The following PPP1R12A variants were observed in gnomAD, a reference collection of about 807,000 sequenced individuals.
PPP1R12A encodes myosin binding subunit.
PPP1R12A carries 19 observed loss-of-function variants against 139.6 expected under a neutral mutation model. The ratio of observed to expected loss-of-function variants is 0.14; its 90% confidence interval spans 0.09 to 0.20. PPP1R12A has a LOEUF of 0.20. Among genes scored for constraint, PPP1R12A ranks in the 10% least tolerant of loss-of-function variants. The probability of loss-of-function intolerance (pLI) is 1.00; values close to 1 mark genes in which losing one functional copy is unlikely to be tolerated. For synonymous variants in PPP1R12A, 427 were observed against 420.6 expected (o/e 1.02, Z -0.19); for missense variants, 925 against 1,211.5 (o/e 0.76, Z 3.51).
chr12:79,806,549 C>T (rs1873860461), intron 12 of PPP1R12A, among the ~76,000 whole-genome samples: 1 of 152,180 alleles, frequency 6.6e-6, no homozygotes, highest in East Asian at 1.9e-4. Context: ...TGCCTCCTCC[C>T]AACTTTCTCA....
intron 3 of PPP1R12A, 139 bp downstream of exon 3, chr12:79,845,163 A>G (rs1879231521): frequency 1.6e-6 from 1 of 634,046 alleles, no homozygotes; most frequent in African/African-American, 1.8e-5. Context: ...ACAGAAACAT[A>G]CTGTACTATT....
At chr12:79,825,913 G>T (rs1876701142) in intron 5 of PPP1R12A, among the ~76,000 whole-genome samples, 2 of 151,572 alleles carry the variant, frequency 1.3e-5, no homozygotes, top group South Asian at 4.2e-4. Context: ...TAAAAATCAA[G>T]GTCTTAAAAT....
intron 22 of PPP1R12A, among the ~76,000 whole-genome samples, chr12:79,783,172 A>G (rs1870672887): frequency 2.0e-5 from 3 of 151,776 alleles, no homozygotes; most frequent in Non-Finnish European, 4.4e-5. Flanking sequence ...AATTTCAAAT[A>G]TGAGGCTGGG....
chr12:79,778,776 A>C, intron 23 of PPP1R12A, 176 bp from the exon 24 acceptor site: 1 of 419,436 alleles, frequency 2.4e-6, no homozygotes, highest in African/African-American at 2.0e-5. Context: ...AATAAATATG[A>C]AGATCTTTAT....
At chr12:79,864,281 T>C (rs1344584347) in intron 2 of PPP1R12A, among the ~76,000 whole-genome samples, 1 of 152,156 alleles carries the variant, frequency 6.6e-6, no homozygotes, top group African/African-American at 2.4e-5. Context: ...AAGATGTTCT[T>C]TGAAACCAAT....
chr12:79,872,010 C>G (rs1431709399), intron 2 of PPP1R12A, among the ~76,000 whole-genome samples: 1 of 152,040 alleles, frequency 6.6e-6, no homozygotes, highest in African/African-American at 2.4e-5. Context: ...TTTCATTTCA[C>G]CATACAGTTT....
At chr12:79,823,348 G>T (rs1876368595) in intron 5 of PPP1R12A, among the ~76,000 whole-genome samples, 1 of 152,016 alleles carries the variant, frequency 6.6e-6, no homozygotes, top group Non-Finnish European at 1.5e-5. Context: ...TTTCTTAATA[G>T]TATTCCTATA....
At chr12:79,894,965 A>T (rs186834922) in intron 1 of PPP1R12A, among the ~76,000 whole-genome samples, 2 of 152,070 alleles carry the variant, frequency 1.3e-5, no homozygotes, top group Non-Finnish European at 2.9e-5. Context: ...ATTTGCCAAA[A>T]TTTTTTTTAA....
chr12:79,918,196 G>A (rs577225724), intron 1 of PPP1R12A, among the ~76,000 whole-genome samples: 126 of 151,302 alleles, frequency 8.3e-4, no homozygotes, highest in Non-Finnish European at 1.6e-3. Flanking sequence ...TGTATCCTGC[G>A]TTTTTTCTGT....
intron 2 of PPP1R12A, among the ~76,000 whole-genome samples, chr12:79,867,206 A>G (rs1882064765): frequency 6.6e-6 from 1 of 152,206 alleles, no homozygotes; most frequent in Non-Finnish European, 1.5e-5. Context: ...ATTCTCAGCA[A>G]ACTATCACAA....
chr12:79,793,951 T>G (rs1183003754), intron 18 of PPP1R12A, 23 bp from the exon 19 acceptor site: 2 of 1,525,704 alleles, frequency 1.3e-6, no homozygotes, highest in African/African-American at 1.4e-5. Context: ...TGCCAATTTA[T>G]ATTTTAGGAA....
chr12:79,819,658 T>C (rs1034059094), intron 8 of PPP1R12A, among the ~76,000 whole-genome samples: 3 of 152,170 alleles, frequency 2.0e-5, no homozygotes, highest in African/African-American at 2.4e-5. Context: ...CTTTAGGCTA[T>C]AGGTTGAGCA....
At chr12:79,935,251 C>T, upstream of PPP1R12A, 2 of 1,148,892 alleles carry the variant, frequency 1.7e-6, no homozygotes, top group Non-Finnish European at 2.1e-6. Context: ...CGCCCTGGGC[C>T]TGTGCCCGCC....
chr12:79,916,223 A>G (rs2136929071), intron 1 of PPP1R12A, among the ~76,000 whole-genome samples: 1 of 152,284 alleles, frequency 6.6e-6, no homozygotes, highest in East Asian at 1.9e-4. Flanking sequence ...ATTAAAAGCC[A>G]TTCCATCAGT....
At chr12:79,790,600 T>C in intron 19 of PPP1R12A, 117 bp from the exon 20 acceptor site, 1 of 670,370 alleles carries the variant, frequency 1.5e-6, no homozygotes, top group Non-Finnish European at 2.4e-6. Context: ...AATGAACACC[T>C]AAGGTTCTTT....
chr12:79,891,458 A>G (rs753349551), intron 1 of PPP1R12A, among the ~76,000 whole-genome samples: 1 of 152,188 alleles, frequency 6.6e-6, no homozygotes, highest in East Asian at 1.9e-4. Flanking sequence ...AGAAAGGGAG[A>G]TAACAAGCAG....
At chr12:79,901,822 G>A (rs1885666547) in intron 1 of PPP1R12A, among the ~76,000 whole-genome samples, 1 of 152,054 alleles carries the variant, frequency 6.6e-6, no homozygotes, top group South Asian at 2.1e-4. Context: ...AAAGAACAGG[G>A]CGCTAATAGG....
At chr12:79,804,655 A>T (rs926303194) in intron 14 of PPP1R12A, among the ~76,000 whole-genome samples, 2 of 152,094 alleles carry the variant, frequency 1.3e-5, no homozygotes, top group Non-Finnish European at 2.9e-5. Flanking sequence ...TAAAAAAAAA[A>T]ATTAGTTACA....
chr12:79,926,843 A>G (rs1221420597), intron 1 of PPP1R12A, among the ~76,000 whole-genome samples: 1 of 152,058 alleles, frequency 6.6e-6, no homozygotes, highest in East Asian at 1.9e-4. Context: ...ATTTGTCTCT[A>G]AAAAGAATCA....
Sources: gnomAD v4.1 joint callset for allele counts (sites outside exome capture counted in the v4.1 genomes callset) on GRCh38, gnomAD v4.1.1 for gene constraint, MANE v1.5 for transcripts, NCBI Gene and HGNC (gene_info 2026-07-23, HGNC 2026-07-21) for gene names.